The following CSMD1 variants were observed in gnomAD, a reference collection of about 807,000 sequenced individuals.
The protein encoded by CSMD1 is CUB and Sushi multiple domains 1.
A neutral mutation model predicts 417.5 loss-of-function variants in CSMD1; 213 were observed. The ratio of observed to expected loss-of-function variants is 0.51; its 90% CI spans 0.46 to 0.57. The LOEUF (loss-of-function observed/expected upper bound fraction) is 0.57, where lower values mean the gene tolerates loss of function less well. CSMD1 is among the 20% of genes least tolerant of loss of function. The probability of loss-of-function intolerance (pLI) is 0.00; values close to 1 mark genes in which losing one functional copy is unlikely to be tolerated. For missense variants in CSMD1, 6,923 were observed against 4,529.7 expected (o/e 1.53, Z -15.17); for synonymous variants, 2,862 against 1,736.8 (o/e 1.65, Z -16.11).
At position 3,586,280 on chromosome 8, in the gene CSMD1, A is replaced by G; in HGVS notation, c.1098-20T>C. ...CCAACCCTAAGCCGTTAAAAAAGAAAAAAAAAAACCCAAATTATTTACAGA... is the reference window on the plus strand; with the variant it reads ...CCAACCCTAAGCCGTTAAAAAAGAAGAAAAAAAACCCAAATTATTTACAGA... On this transcript the variant is annotated intron_variant, in intron 8 of 69. Transcript: ENST00000635120. 1 of 1,552,108 alleles carries G rather than the reference A, an allele frequency of 6.4e-7. No individual in the cohort carries two copies.
At chr8:4,095,808 T>A (rs1413631209) in intron 3 of CSMD1, among the ~76,000 whole-genome samples, 3 of 152,238 alleles carry the variant, frequency 2.0e-5, no homozygotes, top group Non-Finnish European at 2.9e-5. Context: ...TTTGTATGCA[T>A]GTTTATTCAT....
At chr8:3,375,011 C>T (rs541676619) in intron 18 of CSMD1, 13 of 152,278 alleles carry the variant, frequency 8.5e-5, no homozygotes, top group Middle Eastern at 3.4e-3. Flanking sequence ...GTGTTAGAGA[C>T]GGCAGTGGGA....
At chr8:4,679,090 C>A (rs955019109) in intron 1 of CSMD1, among the ~76,000 whole-genome samples, 1 of 152,178 alleles carries the variant, frequency 6.6e-6, no homozygotes, top group Non-Finnish European at 1.5e-5. Context: ...GGTAGCCTCA[C>A]ATCTGGTCAT....
intron 3 of CSMD1, among the ~76,000 whole-genome samples, chr8:4,094,349 G>A (rs563897921): frequency 6.6e-6 from 1 of 152,104 alleles, no homozygotes; most frequent in Non-Finnish European, 1.5e-5. Flanking sequence ...CTGTGAGCTG[G>A]ACTCATGGGT....
chr8:3,160,247 C>G (rs748804197), intron 38 of CSMD1, among the ~76,000 whole-genome samples: 8 of 152,158 alleles, frequency 5.3e-5, no homozygotes, highest in African/African-American at 1.9e-4. Flanking sequence ...CTCAGCCTCC[C>G]AGGTAACTGG....
chr8:3,875,797 G>T (rs1226277405), intron 5 of CSMD1, among the ~76,000 whole-genome samples: 4 of 152,150 alleles, frequency 2.6e-5, no homozygotes, highest in Non-Finnish European at 1.5e-5. Context: ...TAAAGGGAAG[G>T]TACAAAAACA....
Position 3,780,580 on chromosome 8 carries a change from C to A in CSMD1, c.819-26538G>T, listed in dbSNP as rs1336680708. The stretch of plus-strand genomic sequence containing the variant: ...ACTACTATTTTCAAATTCACAAATA[C>A]TAAAGTGCATCTAATAATTCACTAC... On this transcript the variant is annotated intron_variant, in intron 5 of 69. Transcript: ENST00000635120. 2.6e-5 allele frequency among the ~76,000 whole-genome samples: 4 copies of A among 152,192 alleles called. No individual in the cohort carries two copies. The South Asian group carries it at 8.3e-4, about 31-fold the overall frequency.
At position 3,307,693 on chromosome 8, in the gene CSMD1, A is replaced by G; in HGVS notation, c.3950+2T>C. ...TCACTGAAACCAAAATAAAACAAGTACCTAATGGTCTTTCCTGGGTCTGCC... is the reference window on the plus strand; with the variant it reads ...TCACTGAAACCAAAATAAAACAAGTGCCTAATGGTCTTTCCTGGGTCTGCC... On this transcript the variant is annotated splice_donor_variant, in intron 25 of 69. Transcript: ENST00000635120. LOFTEE classifies it high-confidence loss of function. 6.2e-7 allele frequency: 1 copy of G among 1,612,932 alleles called. No homozygotes were observed. Among genetic ancestry groups the G allele is most frequent in the Non-Finnish European group, 8.5e-7 (1 of 1,179,350 alleles).
intron 52 of CSMD1, among the ~76,000 whole-genome samples, chr8:3,017,635 CT>C (rs1336955063): frequency 6.6e-6 from 1 of 151,760 alleles, no homozygotes; most frequent in Non-Finnish European, 1.5e-5. Context: ...GTTGGTTTTT[CT>C]CTAGGGTTAC....
chr8:4,131,308 A>T (rs991055473), intron 3 of CSMD1, among the ~76,000 whole-genome samples: 1 of 152,194 alleles, frequency 6.6e-6, no homozygotes, highest in Non-Finnish European at 1.5e-5. Flanking sequence ...AGCTTCCTGT[A>T]ATGTGAGGTC....
At chr8:4,911,261 G>T (rs1805652911) in intron 1 of CSMD1, among the ~76,000 whole-genome samples, 1 of 152,182 alleles carries the variant, frequency 6.6e-6, no homozygotes, top group Non-Finnish European at 1.5e-5. Flanking sequence ...TTGTCCACCA[G>T]TCGTAATTTC....
chr8:3,621,009 T>C (rs1324092967), intron 7 of CSMD1, among the ~76,000 whole-genome samples: 1 of 152,040 alleles, frequency 6.6e-6, no homozygotes, highest in African/African-American at 2.4e-5. Flanking sequence ...TAATCCAACA[T>C]GACTGGTGCC....
intron 4 of CSMD1, among the ~76,000 whole-genome samples, chr8:4,012,406 G>C (rs746859905): frequency 6.6e-6 from 1 of 152,050 alleles, no homozygotes; most frequent in Non-Finnish European, 1.5e-5. Flanking sequence ...TTTGCGTCGC[G>C]TGGATTTATT....
At chr8:3,816,138 G>C (rs1801353403) in intron 5 of CSMD1, among the ~76,000 whole-genome samples, 1 of 152,128 alleles carries the variant, frequency 6.6e-6, no homozygotes, top group African/African-American at 2.4e-5. Flanking sequence ...CGCAGGCTCA[G>C]TCTCAAAGAA....
chr8:4,199,495 T>G (rs529132713), intron 3 of CSMD1, among the ~76,000 whole-genome samples: 1 of 152,312 alleles, frequency 6.6e-6, no homozygotes, highest in East Asian at 1.9e-4. Flanking sequence ...AGGAATATGG[T>G]GTAAAATGTC....
chr8:3,288,513 C>G lies in CSMD1; in HGVS notation c.3951-4167G>C, dbSNP rs958005965. ...GTCTATTCAGAGATTCAACTTCTTC[C>G]TGGTTTAGTCTTGGCAGGATGTATG... On this transcript the variant is annotated intron_variant, in intron 25 of 69. Transcript: ENST00000635120. Among the ~76,000 whole-genome samples the G allele has an allele frequency of 3.4e-5, 5 of 147,114 alleles. 1 individual carries two copies. Among genetic ancestry groups the G allele is most frequent in the African/African-American group, 1.4e-4 (5 of 36,940 alleles).
At chr8:3,792,261 C>G (rs1478647193) in intron 5 of CSMD1, among the ~76,000 whole-genome samples, 1 of 151,848 alleles carries the variant, frequency 6.6e-6, no homozygotes, top group Non-Finnish European at 1.5e-5. Flanking sequence ...CCACTACATG[C>G]CAGCCTGGGT....
intron 8 of CSMD1, among the ~76,000 whole-genome samples, chr8:3,593,125 C>T (rs1800933120): frequency 6.6e-6 from 1 of 152,212 alleles, no homozygotes; most frequent in African/African-American, 2.4e-5. Context: ...CAGAACTTGT[C>T]ACTGGAGCTG....
At chr8:4,839,216 T>C (rs564178220) in intron 1 of CSMD1, among the ~76,000 whole-genome samples, 5 of 152,328 alleles carry the variant, frequency 3.3e-5, no homozygotes, top group African/African-American at 7.2e-5. Flanking sequence ...ACTCTGAATA[T>C]GCAAACTTCC....
Sources: gnomAD v4.1 joint callset for allele counts (sites outside exome capture counted in the v4.1 genomes callset) on GRCh38, gnomAD v4.1.1 for gene constraint, MANE v1.5 for transcripts, NCBI Gene and HGNC (gene_info 2026-07-23, HGNC 2026-07-21) for gene names.